Variants in IGFN1 observed in about 807,000 individuals in gnomAD.
IGFN1 encodes the protein immunoglobulin like and fibronectin type III domain containing 1, also known as immunoglobulin-like and fibronectin type III domain-containing protein 1.
IGFN1 carries 253 observed loss-of-function variants against 289.5 expected under a neutral mutation model. That is an observed-to-expected ratio of 0.87 (90% CI 0.79 to 0.97). IGFN1 has a LOEUF of 0.97. Ranked by LOEUF, IGFN1 falls within the 50% of genes least tolerant of loss-of-function variation. IGFN1 has a pLI of 0.00. For missense variants in IGFN1, 4,470 were observed against 4,686.1 expected, an observed-to-expected ratio of 0.95 and a Z score of 1.35; for synonymous variants, 1,706 against 1,788.5, an observed-to-expected ratio of 0.95 and a Z score of 1.16.
rs1325383064 is a variant in IGFN1, at chr1:201,212,680, G to A, written c.7787G>A (p.Gly2596Asp). Residue 2596 changes from glycine (G) to aspartate (D), a missense_variant, in exon 12 of 24, where the codon GGT becomes GAT. Coordinates refer to ENST00000335211, the MANE Select transcript of IGFN1 (RefSeq NM_001164586.2). ...RVGSGSSVGT[G>D]QDLDSGSMPG... ...GGCTCAGGGAGTTCAGTGGGGACAG[G>A]TCAGGATCTGGACAGCGGCTCTATG... 2.6e-6 allele frequency: 4 copies of A among 1,546,710 alleles called. No individual in the cohort carries two copies. The East Asian group carries it at 7.3e-5, about 28-fold the overall frequency.
chr1:201,216,501 AG>A lies in IGFN1; in HGVS notation c.9346del (p.Ala3116LeufsTer18). 3 of 1,606,364 alleles carry A rather than the reference AG, an allele frequency of 1.9e-6. No homozygotes were observed. Among genetic ancestry groups the A allele is most frequent in the Non-Finnish European group, 2.6e-6 (3 of 1,176,060 alleles). On this transcript the variant is annotated frameshift_variant, in exon 16 of 24. Coordinates refer to ENST00000335211, the MANE Select transcript of IGFN1 (RefSeq NM_001164586.2). LOFTEE classifies it high-confidence loss of function. The part of the protein sequence containing the change: ...QGPMEVQDCH[R>X]AGVCLRWRPP... Reference sequence around the variant, plus strand: ...CCCCATGGAGGTTCAGGATTGCCATAGGGCTGGCGTCTGCCTCCGCTGGCGG... The same window carrying A: ...CCCCATGGAGGTTCAGGATTGCCATAGGCTGGCGTCTGCCTCCGCTGGCGG...
chr1:201,206,022 T>C (rs557452105), intron 11 of IGFN1, 61 bp from the exon 12 acceptor site: 1 of 1,199,020 alleles, frequency 8.3e-7, no homozygotes, highest in African/African-American at 1.5e-5. Flanking sequence ...GGAGTTTTGG[T>C]ATTTTCTCTT....
chr1:201,212,900 G>T lies in IGFN1; in HGVS notation c.8007G>T (p.Gly2669=), dbSNP rs568351641. The T allele has an allele frequency of 4.7e-5, 73 of 1,551,440 alleles. No individual in the cohort carries two copies. In the African/African-American group the frequency reaches 8.2e-4, roughly 17 times the overall value. Reference sequence around the variant, plus strand: ...TTGGTGGGACCCATGAAGGGCCAGGGGGCTTTAAGGGTGGGGAGGGTGCAC... The same window carrying T: ...TTGGTGGGACCCATGAAGGGCCAGGTGGCTTTAAGGGTGGGGAGGGTGCAC... ...AAFGGTHEGP[G]GFKGGEGAPG... is the part of the protein sequence containing the mutation. Residue 2669 remains glycine, a synonymous_variant, in exon 12 of 24, where the codon GGG becomes GGT. Coordinates refer to ENST00000335211, the MANE Select transcript of IGFN1 (RefSeq NM_001164586.2).
Position 201,217,293 on chromosome 1 carries a change from C to T in IGFN1, c.9602C>T (p.Pro3201Leu), listed in dbSNP as rs201285921. The T allele has an allele frequency of 5.5e-5, 89 of 1,613,716 alleles. No homozygotes were observed. The East Asian group carries it at 1.8e-3, about 33-fold the overall frequency. Reference protein sequence around the residue: ...EEILVAPEALPKAPSAPAILS... With the variant: ...EEILVAPEALLKAPSAPAILS... The stretch of plus-strand genomic sequence containing the variant: ...GAATCTTTCTTACCCCCAGCTCTCC[C>T]CAAGGCCCCTTCCGCGCCAGCCATC... Residue 3201 changes from proline to leucine, a missense_variant, in exon 17 of 24, where the codon CCC (proline) becomes CTC (leucine). This residue lies in a region of IGFN1 where 2,218 missense variants were observed against 2,114.1 expected (regional missense o/e 1.05). Transcript: ENST00000335211.
In IGFN1 at chr1:201,208,333, G is replaced by A. The variant is rs1368253237; in HGVS notation, c.3440G>A (p.Gly1147Asp). The A allele has an allele frequency of 4.0e-6, 6 of 1,492,308 alleles. No homozygotes were observed. In the African/African-American group the frequency reaches 4.2e-5, roughly 11 times the overall value. The allele number at this position is 1,492,308 out of a possible 1,614,324, so 92.4% of individuals were successfully genotyped here. The change falls in exon 12 of 24, where the codon GGT becomes GAT. Residue 1147 changes from glycine (G) to aspartate (D), a missense_variant. Physicochemically the swap from Gly to Asp is moderately conservative, Grantham distance 94 (BLOSUM62 -1). Coordinates refer to ENST00000335211, the MANE Select transcript of IGFN1 (RefSeq NM_001164586.2). ...GEGGYEDGSG[G>D]PGAMGPGSLR... is the part of the protein sequence containing the mutation. ...GGAGGCTATGAAGATGGCTCTGGGG[G>A]TCCAGGAGCCATGGGACCAGGGTCT... is the stretch of plus-strand genomic sequence containing the variant.
chr1:201,195,147 T>G (rs912712881), intron 3 of IGFN1, among the ~76,000 whole-genome samples: 1 of 137,868 alleles, frequency 7.3e-6, no homozygotes, highest in Non-Finnish European at 1.7e-5. Context: ...AGAAAATCTC[T>G]TCTTTTTTTT....
chr1:201,224,962 A>C, intron 21 of IGFN1, 88 bp downstream of exon 21: 3 of 942,958 alleles, frequency 3.2e-6, no homozygotes, highest in Non-Finnish European at 4.7e-6. Context: ...CATAGGTCTC[A>C]GCCACTCTAC....
intron 5 of IGFN1, among the ~76,000 whole-genome samples, chr1:201,198,387 C>A (rs1000653436): frequency 6.6e-6 from 1 of 152,192 alleles, no homozygotes; most frequent in African/African-American, 2.4e-5. Context: ...CCACCTGCCT[C>A]GGCCTCCCAA....
chr1:201,226,919 C>T lies in IGFN1; in HGVS notation c.10824C>T (p.Pro3608=), dbSNP rs939723710. 1.3e-5 allele frequency: 21 copies of T among 1,607,998 alleles called. No homozygotes were observed. The highest frequency in any genetic ancestry group is 5.0e-5 in the Admixed American group (3 of 59,596). Residue 3608 remains proline (P), a synonymous_variant, in exon 23 of 24, where the codon CCC becomes CCT. Coordinates refer to ENST00000335211, the MANE Select transcript of IGFN1 (RefSeq NM_001164586.2). ...FTVKAPCYRE[P]DLSQKPRFLV... ...TGAAGGCTCCGTGCTACCGGGAGCC[C>T]GACCTGAGCCAGAAGCCCCGGTTCC...
intron 1 of IGFN1, among the ~76,000 whole-genome samples, chr1:201,191,680 G>A (rs1308094548): frequency 6.6e-6 from 1 of 152,148 alleles, no homozygotes; most frequent in African/African-American, 2.4e-5. Context: ...TTCTAAAAGA[G>A]AGTGGAGCTC....
At chr1:201,197,563 G>A (rs1666973201) in intron 5 of IGFN1, among the ~76,000 whole-genome samples, 2 of 152,232 alleles carry the variant, frequency 1.3e-5, no homozygotes, top group Admixed American at 6.5e-5. Context: ...CCCAGTAAAT[G>A]AGCAGGACCT....
chr1:201,218,798 AT>A, intron 18 of IGFN1, 140 bp downstream of exon 18: 1 of 845,652 alleles, frequency 1.2e-6, no homozygotes, highest in Non-Finnish European at 1.8e-6. Flanking sequence ...GGATATAAAA[AT>A]CAAAAGGCCT....
Position 201,224,757 on chromosome 1 carries a change from G to A in IGFN1, c.10369G>A (p.Gly3457Ser), listed in dbSNP as rs138698246. ...PKRSVTVTKD[G>S]LTQLLIPVAG... ...AAGAAGTGTGACTGTCACTAAGGAT[G>A]GCCTCACCCAGCTTCTGATCCCTGT... The change falls in exon 21 of 24, where the codon GGC (glycine) becomes AGC (serine). Residue 3457 changes from glycine (G) to serine (S), a missense_variant. By Grantham distance (56) the Gly-to-Ser change is moderately conservative. Around this residue, in one of 8 missense-constraint regions of IGFN1, gnomAD observed 2,218 missense variants for 2,114.1 expected, o/e 1.05. Coordinates refer to ENST00000335211, the MANE Select transcript of IGFN1 (RefSeq NM_001164586.2). 569 of 1,614,078 alleles carry A rather than the reference G, an allele frequency of 3.5e-4. 3 individuals carry two copies. Among genetic ancestry groups the A allele is most frequent in the Admixed American group, 4.5e-4 (27 of 60,010 alleles).
At chr1:201,199,295 T>C in intron 5 of IGFN1, 39 bp from the exon 6 acceptor site, 1 of 1,540,290 alleles carries the variant, frequency 6.5e-7, no homozygotes, top group Non-Finnish European at 8.8e-7. Context: ...TCCCTGCTTG[T>C]CCACATCGAC....
intron 15 of IGFN1, 51 bp downstream of exon 15, chr1:201,215,889 G>C (rs751095560): frequency 6.4e-7 from 1 of 1,561,004 alleles, no homozygotes; most frequent in Non-Finnish European, 8.8e-7. Context: ...CTGGGGTTCT[G>C]GGCCCTCCCT....
At position 201,211,579 on chromosome 1, in the gene IGFN1, A is replaced by T; in HGVS notation, c.6686A>T (p.Lys2229Met). 6.5e-7 allele frequency: 1 copy of T among 1,534,602 alleles called. No homozygotes were observed. Among genetic ancestry groups the T allele is most frequent in the African/African-American group, 1.4e-5 (1 of 72,806 alleles). Residue 2229 changes from lysine to methionine, a missense_variant, in exon 12 of 24, where the codon AAG (lysine) becomes ATG (methionine). Physicochemically the swap from Lys to Met is moderately conservative, Grantham distance 95. Coordinates refer to ENST00000335211, the MANE Select transcript of IGFN1 (RefSeq NM_001164586.2). ...GAPKGMGSGSKAGFRDGLGSS... is the reference protein window; with the variant it reads ...GAPKGMGSGSMAGFRDGLGSS... ...CCTAAGGGAATGGGTTCAGGGAGTA[A>T]GGCAGGTTTCAGGGATGGTTTAGGG...
At position 201,206,255 on chromosome 1, in the gene IGFN1, C is replaced by T; in HGVS notation, c.1362C>T (p.Leu454=). The T allele has an allele frequency of 6.5e-7, 1 of 1,547,942 alleles. No individual in the cohort carries two copies. The change falls in exon 12 of 24, where the codon CTC becomes CTT. Residue 454 remains leucine (L), a synonymous_variant. Coordinates refer to ENST00000335211, the MANE Select transcript of IGFN1 (RefSeq NM_001164586.2). ...AAGGGGCTGGGCCGGCTTCTGGGCT[C>T]CAGCACATAGCCAGCCCAGACAGGG... The part of the protein sequence containing the change: ...SLEGAGPASG[L]QHIASPDRDG...
In IGFN1 at chr1:201,214,165, G is replaced by T; in HGVS notation, c.8729-12G>T. 1.2e-6 allele frequency: 2 copies of T among 1,606,482 alleles called. No homozygotes were observed. The highest frequency in any genetic ancestry group is 1.1e-5 in the South Asian group (1 of 90,232). On this transcript the variant is annotated splice_polypyrimidine_tract_variant and intron_variant, in intron 12 of 23. Transcript: ENST00000335211. ...GCGCTCGGCCCTGGGGATTCCCTCT[G>T]TGTCTCTCCAGGCCCCATGGGCCAC...
In IGFN1 at chr1:201,217,408, G is replaced by A. The variant is rs368234234; in HGVS notation, c.9717G>A (p.Arg3239=). Residue 3239 remains arginine (R), a synonymous_variant, in exon 17 of 24, where the codon AGG becomes AGA. Coordinates refer to ENST00000335211, the MANE Select transcript of IGFN1 (RefSeq NM_001164586.2). ...ACATCCTGGGCTACCTGATCGAGAG[G>A]CGTAAGAAGGGGAGCAACACCTGGA... is the stretch of plus-strand genomic sequence containing the variant. ...SAHILGYLIE[R]RKKGSNTWTA... is the part of the protein sequence containing the mutation. 32 of 1,614,090 alleles carry A rather than the reference G, an allele frequency of 2.0e-5. No individual in the cohort carries two copies. The highest frequency in any genetic ancestry group is 5.0e-5 in the Admixed American group (3 of 60,008).
Sources: gnomAD v4.1 joint callset for allele counts (sites outside exome capture counted in the v4.1 genomes callset) on GRCh38, gnomAD v4.1.1 for gene constraint, gnomAD v4.1.1 regional missense constraint, MANE v1.5 for transcripts, NCBI Gene and HGNC (gene_info 2026-07-23, HGNC 2026-07-21) for gene names.